SLC8A3: variants seen among roughly 807,000 people sequenced by gnomAD.
SLC8A3 encodes the protein solute carrier family 8 member A3.
A neutral mutation model predicts 65.4 loss-of-function variants in SLC8A3; 37 were observed. That is an observed-to-expected ratio of 0.57 (90% CI 0.44 to 0.74). The LOEUF (loss-of-function observed/expected upper bound fraction) is 0.74. Ranked by LOEUF, SLC8A3 falls within the 30% of genes least tolerant of loss-of-function variation. SLC8A3 has a pLI of 0.00. For synonymous variants in SLC8A3, 461 were observed against 444.5 expected, an observed-to-expected ratio of 1.04 and a Z score of -0.47; for missense variants, 1,112 against 1,172.1, an observed-to-expected ratio of 0.95 and a Z score of 0.75.
intron 2 of SLC8A3, among the ~76,000 whole-genome samples, chr14:70,159,262 A>G (rs1566819105): frequency 6.6e-6 from 1 of 152,148 alleles, no homozygotes; most frequent in Non-Finnish European, 1.5e-5. Flanking sequence ...TACAAAAATT[A>G]GCCAGGCATG....
At chr14:70,075,632 T>C (rs1168073699) in intron 2 of SLC8A3, among the ~76,000 whole-genome samples, 1 of 152,164 alleles carries the variant, frequency 6.6e-6, no homozygotes, top group Middle Eastern at 3.2e-3. Context: ...CTTTCTCTTC[T>C]TACCTGGCCT....
At chr14:70,108,140 T>C (rs1893002618) in intron 2 of SLC8A3, among the ~76,000 whole-genome samples, 1 of 152,102 alleles carries the variant, frequency 6.6e-6, no homozygotes, top group African/African-American at 2.4e-5. Context: ...CAATAAAAAT[T>C]TACAAACAAC....
intron 2 of SLC8A3, among the ~76,000 whole-genome samples, chr14:70,133,513 G>A (rs550324624): frequency 8.5e-5 from 13 of 152,316 alleles, no homozygotes; most frequent in African/African-American, 3.1e-4. Flanking sequence ...GAGGCTGCAG[G>A]AAAGCTGATA....
intron 2 of SLC8A3, among the ~76,000 whole-genome samples, chr14:70,124,005 A>G (rs947690736): frequency 3.9e-5 from 6 of 152,112 alleles, no homozygotes; most frequent in African/African-American, 1.2e-4. Context: ...TAATTATCCA[A>G]TTGTACACAG....
intron 2 of SLC8A3, among the ~76,000 whole-genome samples, chr14:70,114,142 G>A (rs759721615): frequency 6.6e-6 from 1 of 152,212 alleles, no homozygotes; most frequent in Non-Finnish European, 1.5e-5. Flanking sequence ...AGAGGTAACT[G>A]AGGAGTCTTG....
At chr14:70,076,300 T>C (rs1890514126) in intron 2 of SLC8A3, among the ~76,000 whole-genome samples, 1 of 152,194 alleles carries the variant, frequency 6.6e-6, no homozygotes, top group African/African-American at 2.4e-5. Context: ...TCTGTTTCCC[T>C]TTATCTTGTT....
At chr14:70,175,479 G>C (rs549058526) in intron 1 of SLC8A3, among the ~76,000 whole-genome samples, 6 of 152,178 alleles carry the variant, frequency 3.9e-5, no homozygotes, top group Non-Finnish European at 7.3e-5. Context: ...GGAAGAGTAG[G>C]CTAGGGATCA....
chr14:70,062,852 T>A (rs1049603663), intron 2 of SLC8A3, among the ~76,000 whole-genome samples: 2 of 152,188 alleles, frequency 1.3e-5, no homozygotes, highest in African/African-American at 4.8e-5. Flanking sequence ...GCAGGAACTC[T>A]GCTGTGGGAT....
intron 2 of SLC8A3, among the ~76,000 whole-genome samples, chr14:70,116,280 A>G (rs1489610345): frequency 6.6e-6 from 1 of 151,942 alleles, no homozygotes; most frequent in East Asian, 1.9e-4. Context: ...GATACTACAC[A>G]TATTTGGTGC....
Position 70,140,134 on chromosome 14 carries a change from G to A in SLC8A3, c.1784+26505C>T, listed in dbSNP as rs570784543. On this transcript the variant is annotated intron_variant, in intron 2 of 6. Coordinates refer to ENST00000356921, the MANE Select transcript of SLC8A3 (RefSeq NM_182932.3). ...GGGCAGAATAATTTTAACCACAAAA[G>A]TTGCCAGGAAATTGCAGATTCTGAT... Among the ~76,000 whole-genome samples the A allele has an allele frequency of 2.0e-5, 3 of 152,292 alleles. No individual in the cohort carries two copies. The South Asian group carries it at 6.2e-4, about 32-fold the overall frequency.
rs1849670781 is a variant in SLC8A3 at position 70,045,528 on chromosome 14, T to C, written c.*419A>G. 6.3e-6 allele frequency: 1 copy of C among 158,518 alleles called. No homozygotes were observed. The highest frequency in any genetic ancestry group is 2.0e-4 in the South Asian group (1 of 4,908). The allele number at this position is 158,518 out of a possible 1,614,324, so 9.8% of individuals were successfully genotyped here. A position where few individuals can be genotyped will look rare whatever the true frequency, so the allele number is the denominator to read the frequency against. Reference sequence around the variant, plus strand: ...ATGAATGTGACTCATTTTCACGTCTTGTCAGCTGAGTGAGATAATAGGGAC... The same window carrying C: ...ATGAATGTGACTCATTTTCACGTCTCGTCAGCTGAGTGAGATAATAGGGAC... On this transcript the variant is annotated 3_prime_UTR_variant, in exon 7 of 7. Coordinates refer to ENST00000356921, the MANE Select transcript of SLC8A3 (RefSeq NM_182932.3).
At chr14:70,064,196 G>T (rs1003042972) in intron 2 of SLC8A3, among the ~76,000 whole-genome samples, 3 of 152,194 alleles carry the variant, frequency 2.0e-5, no homozygotes, top group Admixed American at 2.0e-4. Flanking sequence ...AGGGCTCTGA[G>T]TTCTAATCCT....
intron 2 of SLC8A3, among the ~76,000 whole-genome samples, chr14:70,128,419 T>C (rs936225219): frequency 1.3e-5 from 2 of 152,188 alleles, no homozygotes; most frequent in African/African-American, 2.4e-5. Flanking sequence ...TGCACCCTGT[T>C]CTAGCCATAT....
chr14:70,151,740 C>A (rs747465834), intron 2 of SLC8A3, among the ~76,000 whole-genome samples: 5 of 152,190 alleles, frequency 3.3e-5, no homozygotes, highest in Non-Finnish European at 5.9e-5. Context: ...AAGGTATCAG[C>A]AGGACTGATT....
chr14:70,146,027 T>G (rs1346770144), intron 2 of SLC8A3, among the ~76,000 whole-genome samples: 1 of 152,030 alleles, frequency 6.6e-6, no homozygotes, highest in African/African-American at 2.4e-5. Flanking sequence ...AATGATAGGC[T>G]CTGTAGAAGA....
intron 2 of SLC8A3, among the ~76,000 whole-genome samples, chr14:70,081,849 C>CGGT (rs1181310615): frequency 2.0e-5 from 3 of 152,160 alleles, no homozygotes; most frequent in African/African-American, 7.2e-5. Context: ...GTTGAAAGAA[C>CGGT]AGTATGAAAA....
At chr14:70,179,755 C>A (rs537675149) in intron 1 of SLC8A3, among the ~76,000 whole-genome samples, 1 of 152,246 alleles carries the variant, frequency 6.6e-6, no homozygotes, top group East Asian at 1.9e-4. Context: ...ATCATTCATT[C>A]AATAAATATT....
chr14:70,174,651 GTTTTTTTTTTGTTTTTTTTTTTTT>G (rs1270516397), intron 1 of SLC8A3, among the ~76,000 whole-genome samples: 13 of 90,364 alleles, frequency 1.4e-4, no homozygotes, highest in East Asian at 3.7e-4. Flanking sequence ...GACCAAATCC[GTTTTTTTTTTGTTTTTTTTTTTTT>G]TTTTTTTTTT....
At chr14:70,185,373 G>A (rs990065551) in intron 1 of SLC8A3, among the ~76,000 whole-genome samples, 8 of 152,220 alleles carry the variant, frequency 5.3e-5, no homozygotes, top group African/African-American at 1.9e-4. Flanking sequence ...GCAGGCTGGG[G>A]AACATGCCTA....
Sources: allele counts gnomAD v4.1 joint callset (sites outside exome capture counted in the v4.1 genomes callset), GRCh38; gene constraint gnomAD v4.1.1; transcripts MANE v1.5; gene names NCBI Gene and HGNC (gene_info 2026-07-23, HGNC 2026-07-21).